The following COL8A1 variants were observed in gnomAD, a reference collection of about 807,000 sequenced individuals.
COL8A1 encodes the protein collagen alpha-1(VIII) chain.
COL8A1 carries 21 observed loss-of-function variants against 42.7 expected under a neutral mutation model. That is an observed-to-expected ratio of 0.49 (90% CI 0.35 to 0.71). The LOEUF is 0.71. Ranked by LOEUF, COL8A1 falls within the 30% of genes least tolerant of loss-of-function variation. The pLI is 0.01. For missense variants in COL8A1, 788 were observed against 962.4 expected (o/e 0.82, Z 2.40); for synonymous variants, 367 against 369.1 (o/e 0.99, Z 0.06).
rs1403823634 is a variant in COL8A1 at position 99,773,815 on chromosome 3, G to GTGTATATATATATATA, written c.-3-16864_-3-16863insGTATATATATATATAT. 8.6e-4 allele frequency among the ~76,000 whole-genome samples: 31 copies of GTGTATATATATATATA among 35,904 alleles called. 1 individual carries two copies. The highest frequency in any genetic ancestry group is 1.2e-3 in the Non-Finnish European group (24 of 20,070). 23.6% of individuals were successfully genotyped at this position (35,904 alleles called of 152,430 possible). On this transcript the variant is annotated intron_variant, in intron 2 of 3. Coordinates refer to ENST00000652472, the MANE Select transcript of COL8A1 (RefSeq NM_020351.4). ...TAAGTAGATGATTATATATATGTGT[G>GTGTATATATATATATA]TATATATATATATATATATATATTT...
At chr3:99,784,860 T>C (rs1352970622) in intron 2 of COL8A1, among the ~76,000 whole-genome samples, 1 of 151,980 alleles carries the variant, frequency 6.6e-6, no homozygotes, top group Non-Finnish European at 1.5e-5. Flanking sequence ...TACCTGAGGG[T>C]CATAGATCAA....
intron 2 of COL8A1, among the ~76,000 whole-genome samples, chr3:99,771,181 T>C (rs1190091776): frequency 6.6e-6 from 1 of 152,154 alleles, no homozygotes; most frequent in Non-Finnish European, 1.5e-5. Flanking sequence ...GATAGGGATC[T>C]GTAAGTCACC....
In COL8A1 at chr3:99,693,810, G is replaced by T. The variant is rs1346881136; in HGVS notation, c.-128-51087G>T. The stretch of plus-strand genomic sequence containing the variant: ...CTACAATAATGTGCAGTAGTGTCCT[G>T]GGTGTTCACATTCACTCACCACTCA... On this transcript the variant is annotated intron_variant, in intron 1 of 3. Transcript: ENST00000652472. Among the ~76,000 whole-genome samples, 3 of 152,264 alleles carry T rather than the reference G, an allele frequency of 2.0e-5. No individual in the cohort carries two copies. The East Asian group carries it at 5.8e-4, about 29-fold the overall frequency.
At chr3:99,780,526 T>C (rs1364498908) in intron 2 of COL8A1, among the ~76,000 whole-genome samples, 1 of 152,158 alleles carries the variant, frequency 6.6e-6, no homozygotes, top group Non-Finnish European at 1.5e-5. Context: ...ATAGAGAAGT[T>C]TACAGAGAAG....
intron 1 of COL8A1, among the ~76,000 whole-genome samples, chr3:99,726,903 T>A (rs1018937003): frequency 2.0e-5 from 3 of 152,170 alleles, no homozygotes; most frequent in Admixed American, 1.3e-4. Context: ...GGGCTCTTTT[T>A]TGGTTCCACA....
chr3:99,736,067 G>A (rs374397700), intron 1 of COL8A1, among the ~76,000 whole-genome samples: 14 of 151,384 alleles, frequency 9.2e-5, no homozygotes, highest in Non-Finnish European at 1.8e-4. Context: ...TCTTGCTAGC[G>A]GTCTATCAAT....
intron 2 of COL8A1, among the ~76,000 whole-genome samples, chr3:99,756,845 A>G (rs552136871): frequency 1.3e-5 from 2 of 152,344 alleles, no homozygotes; most frequent in East Asian, 3.9e-4. Flanking sequence ...AGCCAAAACT[A>G]TGTAAACAGT....
chr3:99,669,146 T>TATATATATATATAGAGAGAGAGAG, intron 1 of COL8A1, among the ~76,000 whole-genome samples: 11 of 115,364 alleles, frequency 9.5e-5, no homozygotes, highest in Admixed American at 5.7e-4. Context: ...TATATATATA[T>TATATATATATATAGAGAGAGAGAG]AGAGGGAGAG....
At position 99,794,790 on chromosome 3, in the gene COL8A1, C is replaced by T; in HGVS notation, c.889C>T (p.Pro297Ser). Residue 297 changes from proline (P) to serine (S), a missense_variant, in exon 4 of 4, where the codon CCA (proline) becomes TCA (serine). This residue lies in a region of COL8A1 where 421 missense variants were observed against 553.1 expected (regional missense o/e 0.76). Transcript: ENST00000652472. The surrounding 1 kb of genome is among the most constrained non-coding windows in gnomAD (Gnocchi z 4.3). Reference sequence around the variant, plus strand: ...GCCAGGGGCTCCAGGAGAACCTGGGCCACAAGGCCCTATTGGGGTACCGGG... The same window carrying T: ...GCCAGGGGCTCCAGGAGAACCTGGGTCACAAGGCCCTATTGGGGTACCGGG... ...GKPGAPGEPG[P>S]QGPIGVPGVQ... The T allele has an allele frequency of 5.0e-6, 8 of 1,604,228 alleles. No individual in the cohort carries two copies. Among genetic ancestry groups the T allele is most frequent in the Non-Finnish European group, 6.8e-6 (8 of 1,176,022 alleles).
At chr3:99,725,954 G>C (rs1386727972) in intron 1 of COL8A1, among the ~76,000 whole-genome samples, 2 of 152,038 alleles carry the variant, frequency 1.3e-5, no homozygotes, top group Non-Finnish European at 2.9e-5. Context: ...TGGGTCAAAT[G>C]GTATTTCTAT....
At chr3:99,664,731 ATTCAACCTGCTATC>A (rs1405537374) in intron 1 of COL8A1, among the ~76,000 whole-genome samples, 2 of 152,208 alleles carry the variant, frequency 1.3e-5, no homozygotes, top group African/African-American at 4.8e-5. Context: ...TAAAAATTGT[ATTCAACCTGCTATC>A]TTCAACCTGC....
intron 1 of COL8A1, among the ~76,000 whole-genome samples, chr3:99,666,883 A>T (rs1008436183): frequency 1.3e-5 from 2 of 152,212 alleles, no homozygotes; most frequent in African/African-American, 4.8e-5. Context: ...GGCAAGCCTT[A>T]ACCTCTAGTC....
intron 1 of COL8A1, among the ~76,000 whole-genome samples, chr3:99,714,922 T>G (rs1048118361): frequency 2.0e-5 from 3 of 152,110 alleles, no homozygotes; most frequent in Admixed American, 1.3e-4. Flanking sequence ...TTAGGAATAA[T>G]TTAAAAAATT....
rs1161919525 is a variant in COL8A1, at chr3:99,665,191, G to A, written c.-129+26527G>A. 2.0e-5 allele frequency among the ~76,000 whole-genome samples: 3 copies of A among 152,226 alleles called. No homozygotes were observed. In the East Asian group the frequency reaches 5.8e-4, roughly 29 times the overall value. ...TTGCATGTATTCTCAACTCTCACAA[G>A]AGAGCTTCTTGCAGCTGCCTGCCTC... On this transcript the variant is annotated intron_variant, in intron 1 of 3. Coordinates refer to ENST00000652472, the MANE Select transcript of COL8A1 (RefSeq NM_020351.4).
At chr3:99,647,074 G>A (rs1251568351) in intron 1 of COL8A1, among the ~76,000 whole-genome samples, 1 of 152,144 alleles carries the variant, frequency 6.6e-6, no homozygotes, top group Non-Finnish European at 1.5e-5. Context: ...AACACTCAAT[G>A]AAACAATATT....
At chr3:99,791,703 T>C (rs935793654) in intron 3 of COL8A1, among the ~76,000 whole-genome samples, 1 of 152,212 alleles carries the variant, frequency 6.6e-6, no homozygotes, top group Admixed American at 6.5e-5. Context: ...TAGTACTTGC[T>C]GCATCAGAGC....
intron 1 of COL8A1, among the ~76,000 whole-genome samples, chr3:99,743,396 T>C (rs1559624881): frequency 6.6e-6 from 1 of 152,226 alleles, no homozygotes; most frequent in Non-Finnish European, 1.5e-5. Context: ...GTATCCACCC[T>C]TCAGGCCTGA....
At chr3:99,705,849 T>A (rs1353238701) in intron 1 of COL8A1, among the ~76,000 whole-genome samples, 2 of 152,218 alleles carry the variant, frequency 1.3e-5, no homozygotes, top group African/African-American at 4.8e-5. Flanking sequence ...TTAATTTAAT[T>A]CATCCAAGTT....
chr3:99,784,064 T>C (rs1434255985), intron 2 of COL8A1, among the ~76,000 whole-genome samples: 2 of 152,178 alleles, frequency 1.3e-5, no homozygotes, highest in African/African-American at 4.8e-5. Context: ...AGAGAAGAAT[T>C]CCTTATTTCA....
Sources: gnomAD v4.1 joint callset for allele counts (sites outside exome capture counted in the v4.1 genomes callset) on GRCh38, gnomAD v4.1.1 for gene constraint, gnomAD v4.1.1 regional missense constraint, Gnocchi (gnomAD v3.1) non-coding constraint, MANE v1.5 for transcripts, NCBI Gene and HGNC (gene_info 2026-07-23, HGNC 2026-07-21) for gene names.